NRXN1: variants seen among roughly 807,000 people sequenced by gnomAD.
NRXN1 encodes neurexin-1.
A neutral mutation model predicts 150.9 loss-of-function variants in NRXN1; 39 were observed. The observed-to-expected ratio is 0.26, with a 90% confidence interval of 0.20 to 0.34. The LOEUF (loss-of-function observed/expected upper bound fraction) is 0.34. Among genes scored for constraint, NRXN1 ranks in the 10% least tolerant of loss-of-function variants. The probability of loss-of-function intolerance (pLI) is 1.00; values close to 1 mark genes in which losing one functional copy is unlikely to be tolerated. For synonymous variants in NRXN1, 924 were observed against 757.0 expected (o/e 1.22, Z -3.62); for missense variants, 1,815 against 1,949.9 (o/e 0.93, Z 1.30).
intron 17 of NRXN1, among the ~76,000 whole-genome samples, chr2:50,258,806 G>T (rs548443998): frequency 4.1e-4 from 63 of 152,120 alleles, no homozygotes; most frequent in African/African-American, 1.4e-3. Flanking sequence ...AAATAGAAGT[G>T]TTATCAAGGA....
chr2:51,027,466 G>C, intron 2 of NRXN1, 36 bp downstream of exon 2: 1 of 1,483,950 alleles, frequency 6.7e-7, no homozygotes, highest in Non-Finnish European at 8.9e-7. Flanking sequence ...GCCCCGCCCA[G>C]GCCCCGGCCC....
At chr2:50,321,760 T>C (rs1263070783) in intron 17 of NRXN1, among the ~76,000 whole-genome samples, 1 of 152,134 alleles carries the variant, frequency 6.6e-6, no homozygotes, top group African/African-American at 2.4e-5. Flanking sequence ...CATTCTACAA[T>C]ATTGTATAAT....
intron 17 of NRXN1, among the ~76,000 whole-genome samples, chr2:50,256,570 T>C (rs2067718764): frequency 1.3e-5 from 2 of 152,178 alleles, no homozygotes; most frequent in South Asian, 4.1e-4. Flanking sequence ...ACAAAGTTTC[T>C]GTTGTCTTGA....
chr2:50,791,080 T>A (rs1183665230), intron 5 of NRXN1, among the ~76,000 whole-genome samples: 1 of 151,780 alleles, frequency 6.6e-6, no homozygotes, highest in East Asian at 1.9e-4. Flanking sequence ...AAAAGTGGAT[T>A]TATGTTGTTT....
chr2:50,904,709 T>C (rs1461619070), intron 5 of NRXN1, among the ~76,000 whole-genome samples: 2 of 152,060 alleles, frequency 1.3e-5, no homozygotes, highest in African/African-American at 4.8e-5. Context: ...TCTAGATACA[T>C]AATATTTTTG....
At chr2:50,055,848 C>T (rs1463923122) in intron 19 of NRXN1, among the ~76,000 whole-genome samples, 1 of 152,106 alleles carries the variant, frequency 6.6e-6, no homozygotes, top group Non-Finnish European at 1.5e-5. Flanking sequence ...AGCATGACAG[C>T]TTAAGGAACG....
At chr2:50,019,137 T>C (rs767083079) in intron 21 of NRXN1, 2 of 468,500 alleles carry the variant, frequency 4.3e-6, no homozygotes, top group Non-Finnish European at 8.9e-6. Flanking sequence ...CCCTAGGGTA[T>C]AGGGTTCGAT....
At chr2:49,947,762 T>G (rs1673211727) in intron 21 of NRXN1, among the ~76,000 whole-genome samples, 1 of 151,988 alleles carries the variant, frequency 6.6e-6, no homozygotes, top group African/African-American at 2.4e-5. Flanking sequence ...TCAAAACATT[T>G]AAAAACAGTT....
At chr2:50,605,767 A>G (rs1677001087) in intron 8 of NRXN1, among the ~76,000 whole-genome samples, 1 of 151,770 alleles carries the variant, frequency 6.6e-6, no homozygotes, top group Non-Finnish European at 1.5e-5. Flanking sequence ...GAATTATTAT[A>G]TCATGCAGCA....
chr2:50,432,520 G>T (rs571787452), intron 17 of NRXN1, among the ~76,000 whole-genome samples: 1 of 152,110 alleles, frequency 6.6e-6, no homozygotes, highest in African/African-American at 2.4e-5. Context: ...TGTTACTTAA[G>T]TATATTTATA....
At chr2:50,395,220 A>C (rs2081981424) in intron 17 of NRXN1, among the ~76,000 whole-genome samples, 1 of 151,824 alleles carries the variant, frequency 6.6e-6, no homozygotes, top group Non-Finnish European at 1.5e-5. Flanking sequence ...TATAGTTGAC[A>C]CTCAACAAAT....
In NRXN1 at chr2:51,027,669, A is replaced by C. The variant is rs1243246551; in HGVS notation, c.605T>G (p.Val202Gly). 1 of 1,601,986 alleles carries C rather than the reference A, an allele frequency of 6.2e-7. No homozygotes were observed. Among genetic ancestry groups the C allele is most frequent in the Non-Finnish European group, 8.5e-7 (1 of 1,174,590 alleles). ...GTTGGGCGGCTCATCGTCCAGCTTC[A>C]CCTCGCCGCTGTCCACGGGCAGGAC... is the stretch of plus-strand genomic sequence containing the variant. Reference protein sequence around the residue: ...SQVLPVDSGEVKLDDEPPNSG... With the variant: ...SQVLPVDSGEGKLDDEPPNSG... Residue 202 changes from valine (V) to glycine (G), a missense_variant, in exon 2 of 23, where the codon GTG (valine) becomes GGG (glycine). Around this residue, in one of 6 missense-constraint regions of NRXN1, gnomAD observed 554 missense variants for 478.8 expected, o/e 1.16. Coordinates refer to ENST00000401669, the MANE Select transcript of NRXN1 (RefSeq NM_001330078.2).
chr2:50,570,407 T>C (rs1670493274), intron 8 of NRXN1, among the ~76,000 whole-genome samples: 1 of 152,220 alleles, frequency 6.6e-6, no homozygotes, highest in African/African-American at 2.4e-5. Context: ...ATTAGTAATC[T>C]CATTTAGAAT....
intron 2 of NRXN1, among the ~76,000 whole-genome samples, chr2:50,994,024 G>C (rs995097079): frequency 1.3e-5 from 2 of 151,860 alleles, no homozygotes; most frequent in Non-Finnish European, 2.9e-5. Context: ...TAAGATTTTA[G>C]ATTTTGTTTA....
chr2:50,979,578 T>C (rs1047895449), intron 2 of NRXN1, among the ~76,000 whole-genome samples: 4 of 152,134 alleles, frequency 2.6e-5, no homozygotes, highest in African/African-American at 9.6e-5. Context: ...AAAGTTCACC[T>C]GAATTTTTAA....
chr2:50,569,531 A>C (rs72884029), intron 8 of NRXN1, among the ~76,000 whole-genome samples: 1,570 of 152,238 alleles, frequency 0.01, 21 homozygotes, highest in African/African-American at 0.036. Context: ...ATGTAATATA[A>C]ACACATATGT....
chr2:50,785,629 G>A (rs1480275419), intron 5 of NRXN1, among the ~76,000 whole-genome samples: 1 of 152,054 alleles, frequency 6.6e-6, no homozygotes, highest in Non-Finnish European at 1.5e-5. Context: ...GGGTTTTGTT[G>A]ATAGAAGTAA....
intron 17 of NRXN1, among the ~76,000 whole-genome samples, chr2:50,293,899 C>T (rs1299127196): frequency 6.6e-6 from 1 of 152,160 alleles, no homozygotes; most frequent in South Asian, 2.1e-4. Context: ...TCTCACATTC[C>T]TATTTTTCAC....
At chr2:50,461,694 A>T (rs2088235762) in intron 17 of NRXN1, among the ~76,000 whole-genome samples, 2 of 152,036 alleles carry the variant, frequency 1.3e-5, no homozygotes, top group Non-Finnish European at 2.9e-5. Flanking sequence ...AATTTCATAA[A>T]CAGCTACACC....
Sources: allele counts gnomAD v4.1 joint callset (sites outside exome capture counted in the v4.1 genomes callset), GRCh38; gene constraint gnomAD v4.1.1; regional missense constraint gnomAD v4.1.1; transcripts MANE v1.5; gene names NCBI Gene and HGNC (gene_info 2026-07-23, HGNC 2026-07-21).